Variants in MGAT4D observed in about 807,000 individuals in gnomAD.
The protein encoded by MGAT4D is MGAT4 family member D.
Under a neutral mutation model 15.9 loss-of-function variants are expected in MGAT4D, and 34 were observed. The ratio of observed to expected loss-of-function variants is 2.14; its 90% confidence interval spans 1.62 to 2.84. The LOEUF is 2.84. Among genes scored for constraint, MGAT4D ranks in the 30% most tolerant of loss-of-function variants. MGAT4D has a pLI of 0.00. For synonymous variants in MGAT4D, 112 were observed against 48.2 expected (o/e 2.33, Z -5.49); for missense variants, 327 against 140.2 (o/e 2.33, Z -6.73).
chr4:140,445,821 T>A (rs1014994914), intron 10 of MGAT4D, among the ~76,000 whole-genome samples: 1 of 152,218 alleles, frequency 6.6e-6, no homozygotes, highest in Admixed American at 6.6e-5. Flanking sequence ...GTCAGCTTTG[T>A]TGAAGATCAG....
In MGAT4D at chr4:140,459,542, A is replaced by G; in HGVS notation, c.847T>C (p.Phe283Leu). 1 of 517,656 alleles carries G rather than the reference A, an allele frequency of 1.9e-6. No individual in the cohort carries two copies. The allele number at this position is 517,656 out of a possible 1,614,324, so 32.1% of individuals were successfully genotyped here. ...VGNISSNNWF[F>L]IEFSMLGFIG... is the part of the protein sequence containing the mutation. ...AATCCAAGCATTGAAAACTCAATAA[A>G]AAACCAATTATTTGAACTGATATTA... Residue 283 changes from phenylalanine to leucine, a missense_variant, in exon 8 of 11, where the codon TTT (phenylalanine) becomes CTT (leucine). Physicochemically the swap from Phe to Leu is conservative, Grantham distance 22. Transcript: ENST00000511113.
chr4:140,452,723 T>A (rs1209516578), intron 9 of MGAT4D, among the ~76,000 whole-genome samples: 2 of 152,172 alleles, frequency 1.3e-5, no homozygotes, highest in East Asian at 3.8e-4. Flanking sequence ...CTTATCCTCT[T>A]AACAGTACCT....
chr4:140,485,531 C>T (rs1733053346), intron 1 of MGAT4D, among the ~76,000 whole-genome samples: 1 of 151,070 alleles, frequency 6.6e-6, no homozygotes, highest in African/African-American at 2.4e-5. Context: ...TGCTCATGTA[C>T]CCTAAAACTT....
At chr4:140,453,884 T>C (rs1367488094) in intron 9 of MGAT4D, among the ~76,000 whole-genome samples, 2 of 152,184 alleles carry the variant, frequency 1.3e-5, no homozygotes, top group Admixed American at 6.6e-5. Context: ...TATAGCAGTG[T>C]GAAAATGGAC....
chr4:140,474,716 C>T, intron 4 of MGAT4D, 97 bp downstream of exon 4: 1 of 426,990 alleles, frequency 2.3e-6, no homozygotes, highest in Non-Finnish European at 4.1e-6. Context: ...ATTAAGAAAA[C>T]AGTTTTCAAC....
At chr4:140,465,148 G>A in intron 5 of MGAT4D, 139 bp from the exon 6 acceptor site, 2 of 520,626 alleles carry the variant, frequency 3.8e-6, no homozygotes, top group South Asian at 3.4e-5. Context: ...CATGATACCA[G>A]CATCATAAAA....
chr4:140,470,586 C>G (rs1388385867), intron 5 of MGAT4D, among the ~76,000 whole-genome samples: 1 of 152,202 alleles, frequency 6.6e-6, no homozygotes, highest in Non-Finnish European at 1.5e-5. Context: ...ACCAGTCCTT[C>G]CGCCTTAACT....
intron 7 of MGAT4D, among the ~76,000 whole-genome samples, 173 bp from the exon 8 acceptor site, chr4:140,459,799 CTTTTTTTTTT>C (rs576574327): frequency 9.2e-6 from 1 of 109,064 alleles, no homozygotes; most frequent in Non-Finnish European, 1.8e-5. Flanking sequence ...AGTTGATTTC[CTTTTTTTTTT>C]TTTTTTTTTT....
chr4:140,485,224 A>G (rs1375358652), intron 1 of MGAT4D, among the ~76,000 whole-genome samples: 1 of 152,222 alleles, frequency 6.6e-6, no homozygotes, highest in Non-Finnish European at 1.5e-5. Context: ...TGCAGCCATA[A>G]AAAATGATGA....
At chr4:140,461,780 A>C in intron 7 of MGAT4D, 149 bp downstream of exon 7, 2 of 419,280 alleles carry the variant, frequency 4.8e-6, no homozygotes, top group East Asian at 6.6e-5. Context: ...AATATAAAGT[A>C]AGGTGGAGGA....
At chr4:140,473,035 G>T (rs1732073606) in intron 4 of MGAT4D, among the ~76,000 whole-genome samples, 1 of 151,950 alleles carries the variant, frequency 6.6e-6, no homozygotes, top group Non-Finnish European at 1.5e-5. Context: ...CTTAATCCCA[G>T]CATTTAGAGA....
intron 1 of MGAT4D, among the ~76,000 whole-genome samples, chr4:140,490,460 C>A (rs1173278425): frequency 6.6e-6 from 1 of 152,118 alleles, no homozygotes; most frequent in African/African-American, 2.4e-5. Flanking sequence ...GTCTGTTGGC[C>A]CAGAAGATCT....
rs773920856 is a variant in MGAT4D, at chr4:140,459,506, G to T, written c.877+6C>A. The stretch of plus-strand genomic sequence containing the variant: ...CTTGATCCAACAAAGTAAATCCATT[G>T]CTTACCTATGAATCCAAGCATTGAA... On this transcript the variant is annotated splice_donor_region_variant and intron_variant, in intron 8 of 10. Transcript: ENST00000511113. 2.2e-6 allele frequency: 1 copy of T among 461,912 alleles called. No homozygotes were observed. The allele number at this position is 461,912 out of a possible 1,614,324, so 28.6% of individuals were successfully genotyped here.
intron 10 of MGAT4D, among the ~76,000 whole-genome samples, chr4:140,448,670 T>G (rs1730284496): frequency 6.6e-6 from 1 of 152,216 alleles, no homozygotes; most frequent in African/African-American, 2.4e-5. Context: ...AGATCTTCAT[T>G]TCTATCCATA....
intron 10 of MGAT4D, among the ~76,000 whole-genome samples, chr4:140,446,741 T>C (rs1320604278): frequency 3.6e-5 from 4 of 111,172 alleles, no homozygotes; most frequent in African/African-American, 1.0e-4. Flanking sequence ...TTTGCTTCTC[T>C]AGTTTTTTTT....
At chr4:140,493,330 C>T (rs1174579377) in intron 1 of MGAT4D, among the ~76,000 whole-genome samples, 1 of 122,256 alleles carries the variant, frequency 8.2e-6, no homozygotes, top group African/African-American at 3.1e-5. Context: ...GAGTCTCGTT[C>T]TGTCACCCAG....
chr4:140,447,191 G>A (rs1011805235), intron 10 of MGAT4D, among the ~76,000 whole-genome samples: 1 of 151,984 alleles, frequency 6.6e-6, no homozygotes, highest in African/African-American at 2.4e-5. Context: ...CTTGTTTTGG[G>A]GCAGAGAGTT....
chr4:140,454,696 T>G (rs1730685801), intron 9 of MGAT4D, among the ~76,000 whole-genome samples: 1 of 152,168 alleles, frequency 6.6e-6, no homozygotes, highest in South Asian at 2.1e-4. Context: ...CTCTGTTTAG[T>G]AGAATGCACC....
chr4:140,454,712 AC>A (rs1347148747), intron 9 of MGAT4D, among the ~76,000 whole-genome samples: 1 of 152,014 alleles, frequency 6.6e-6, no homozygotes, highest in East Asian at 1.9e-4. Context: ...GCACCTTTAA[AC>A]CCTTTGGACA....
Sources: gnomAD v4.1 joint callset for allele counts (sites outside exome capture counted in the v4.1 genomes callset) on GRCh38, gnomAD v4.1.1 for gene constraint, MANE v1.5 for transcripts, NCBI Gene and HGNC (gene_info 2026-07-23, HGNC 2026-07-21) for gene names.